TLL1: variants seen among roughly 807,000 people sequenced by gnomAD.
TLL1 encodes tolloid-like protein 1.
Under a neutral mutation model 128.2 loss-of-function variants are expected in TLL1, and 49 were observed. That is an observed-to-expected ratio of 0.38 (90% CI 0.30 to 0.48). The LOEUF is 0.48. Among genes scored for constraint, TLL1 ranks in the 20% least tolerant of loss-of-function variants. The pLI is 0.96. For missense variants in TLL1, 1,123 were observed against 1,242.0 expected (o/e 0.90, Z 1.44); for synonymous variants, 454 against 418.8 (o/e 1.08, Z -1.03).
chr4:165,999,276 A>G (rs751740072), intron 5 of TLL1, among the ~76,000 whole-genome samples: 5 of 152,218 alleles, frequency 3.3e-5, no homozygotes, highest in Non-Finnish European at 7.3e-5. Context: ...ACACTGCTAT[A>G]AAGAACTACC....
intron 1 of TLL1, among the ~76,000 whole-genome samples, chr4:165,980,920 T>A (rs1736121436): frequency 1.3e-5 from 2 of 152,138 alleles, no homozygotes; most frequent in African/African-American, 2.4e-5. Flanking sequence ...AACAGTTTTT[T>A]AAAAATTCTG....
At chr4:165,879,765 C>T (rs1013888051) in intron 1 of TLL1, among the ~76,000 whole-genome samples, 7 of 152,010 alleles carry the variant, frequency 4.6e-5, no homozygotes, top group African/African-American at 7.2e-5. Flanking sequence ...CATGTTGCTC[C>T]CCTGAACTGT....
Position 166,003,400 on chromosome 4 carries a change from C to T in TLL1, c.642C>T (p.Ser214=), listed in dbSNP as rs889031930. The T allele has an allele frequency of 1.9e-6, 3 of 1,613,984 alleles. No homozygotes were observed. Among genetic ancestry groups the T allele is most frequent in the Admixed American group, 3.3e-5 (2 of 59,980 alleles). Residue 214 remains serine (S), a synonymous_variant, in exon 6 of 21, where the codon TCC becomes TCT. Transcript: ENST00000061240. ...VFTYRPCGCC[S]YVGRRGNGPQ... The stretch of plus-strand genomic sequence containing the variant: ...TTCTCTTTTATTCCAGATGCTGCTC[C>T]TATGTAGGTCGGCGAGGAAATGGAC...
intron 12 of TLL1, among the ~76,000 whole-genome samples, chr4:166,051,721 T>C (rs1312991912): frequency 6.6e-6 from 1 of 152,196 alleles, no homozygotes; most frequent in Non-Finnish European, 1.5e-5. Context: ...ATTGACGAGA[T>C]ATCTAGAATT....
intron 1 of TLL1, among the ~76,000 whole-genome samples, chr4:165,976,630 T>G (rs568747617): frequency 3.3e-3 from 501 of 152,308 alleles, no homozygotes; most frequent in African/African-American, 0.012. Flanking sequence ...ACTAATTCTA[T>G]TAGATATAAA....
chr4:166,015,286 A>G (rs2111052384), intron 8 of TLL1, among the ~76,000 whole-genome samples: 1 of 152,154 alleles, frequency 6.6e-6, no homozygotes, highest in East Asian at 1.9e-4. Context: ...TTATTTGTCC[A>G]AGGAAACCTC....
chr4:166,025,334 A>G lies in TLL1; in HGVS notation c.1061A>G (p.Gln354Arg). The G allele has an allele frequency of 6.2e-7, 1 of 1,613,534 alleles. No homozygotes were observed. The highest frequency in any genetic ancestry group is 2.2e-5 in the East Asian group (1 of 44,836). ...YRCPACGETL[Q>R]ESNGNLSSPG... ...CTTTCAGCATGTGGAGAAACTCTAC[A>G]AGAATCCAATGGCAACCTTTCCTCT... The change falls in exon 9 of 21, where the codon CAA (glutamine) becomes CGA (arginine). Residue 354 changes from glutamine to arginine, a missense_variant. Physicochemically the swap from Gln to Arg is conservative, Grantham distance 43 (BLOSUM62 1). Coordinates refer to ENST00000061240, the MANE Select transcript of TLL1 (RefSeq NM_012464.5).
chr4:165,972,729 A>T (rs1164967867), intron 1 of TLL1, among the ~76,000 whole-genome samples: 1 of 152,158 alleles, frequency 6.6e-6, no homozygotes, highest in Admixed American at 6.5e-5. Context: ...TAATAATTGG[A>T]TATTACCCTA....
intron 1 of TLL1, among the ~76,000 whole-genome samples, chr4:165,927,129 C>A (rs189194462): frequency 2.6e-5 from 4 of 152,052 alleles, no homozygotes; most frequent in Non-Finnish European, 5.9e-5. Context: ...TCCTAAAATG[C>A]ACAAGTATGT....
At chr4:165,953,906 G>C (rs1028714840) in intron 1 of TLL1, among the ~76,000 whole-genome samples, 4 of 152,018 alleles carry the variant, frequency 2.6e-5, no homozygotes, top group Admixed American at 6.6e-5. Context: ...AATAAAGAGT[G>C]ATAATATTTT....
At chr4:165,918,362 C>A (rs1234950279) in intron 1 of TLL1, among the ~76,000 whole-genome samples, 2 of 152,068 alleles carry the variant, frequency 1.3e-5, no homozygotes, top group African/African-American at 4.8e-5. Context: ...ATGCTTTGAG[C>A]TCATTTGGAA....
At chr4:165,969,884 T>C (rs1387090586) in intron 1 of TLL1, among the ~76,000 whole-genome samples, 1 of 152,148 alleles carries the variant, frequency 6.6e-6, no homozygotes, top group East Asian at 1.9e-4. Context: ...CACATTCTTA[T>C]CATATCAAGT....
chr4:166,054,988 G>T, intron 12 of TLL1, 88 bp from the exon 13 acceptor site: 1 of 1,078,444 alleles, frequency 9.3e-7, no homozygotes, highest in Non-Finnish European at 1.3e-6. Flanking sequence ...TAACAAATCA[G>T]AAGTATGGCA....
intron 1 of TLL1, among the ~76,000 whole-genome samples, chr4:165,957,639 A>G (rs921525685): frequency 1.3e-5 from 2 of 150,576 alleles, no homozygotes; most frequent in Non-Finnish European, 2.9e-5. Flanking sequence ...ATATTTGTAG[A>G]CTTTTATCGC....
Position 166,012,458 on chromosome 4 carries a change from C to T in TLL1, c.918-1978C>T, listed in dbSNP as rs1185167876. On this transcript the variant is annotated intron_variant, in intron 7 of 20. Coordinates refer to ENST00000061240, the MANE Select transcript of TLL1 (RefSeq NM_012464.5). ...TATATTCTCTCCAAGATGTCATTGACCTTTTCAAATTGAACCTTTTTTTGG... is the reference window on the plus strand; with the variant it reads ...TATATTCTCTCCAAGATGTCATTGATCTTTTCAAATTGAACCTTTTTTTGG... Among the ~76,000 whole-genome samples the T allele has an allele frequency of 2.0e-5, 3 of 151,668 alleles. No individual in the cohort carries two copies. The East Asian group carries it at 5.8e-4, about 29-fold the overall frequency.
At chr4:165,942,243 C>A (rs558778557) in intron 1 of TLL1, among the ~76,000 whole-genome samples, 1 of 151,442 alleles carries the variant, frequency 6.6e-6, no homozygotes, top group Non-Finnish European at 1.5e-5. Context: ...CTTTGTCATG[C>A]ACTTGCCTCC....
intron 1 of TLL1, among the ~76,000 whole-genome samples, chr4:165,877,623 T>G (rs995148143): frequency 1.3e-5 from 2 of 152,174 alleles, no homozygotes; most frequent in African/African-American, 4.8e-5. Context: ...TGTAAGTTAG[T>G]CTTCTGCCAA....
Position 166,075,537 on chromosome 4 carries a change from A to G in TLL1, c.2314+534A>G, listed in dbSNP as rs370655242. On this transcript the variant is annotated intron_variant, in intron 17 of 20. Coordinates refer to ENST00000061240, the MANE Select transcript of TLL1 (RefSeq NM_012464.5). The stretch of plus-strand genomic sequence containing the variant: ...TCCAGAAAAGCTTAATAGTAGCACA[A>G]TCATACCCTACCAGATTTCGTCCCC... 4.0e-4 allele frequency among the ~76,000 whole-genome samples: 61 copies of G among 152,312 alleles called. 1 individual carries two copies. In the South Asian group the frequency reaches 0.012, roughly 30 times the overall value.
intron 1 of TLL1, among the ~76,000 whole-genome samples, chr4:165,947,614 G>A (rs1322987538): frequency 6.6e-6 from 1 of 152,060 alleles, no homozygotes; most frequent in African/African-American, 2.4e-5. Context: ...ATTCTTCTCT[G>A]AAATCTCAAG....
Sources: gnomAD v4.1 joint callset for allele counts (sites outside exome capture counted in the v4.1 genomes callset) on GRCh38, gnomAD v4.1.1 for gene constraint, MANE v1.5 for transcripts, NCBI Gene and HGNC (gene_info 2026-07-23, HGNC 2026-07-21) for gene names.